EFNA4: variants seen among roughly 807,000 people sequenced by gnomAD.
The protein encoded by EFNA4 is ephrin A4.
A neutral mutation model predicts 23.7 loss-of-function variants in EFNA4; 22 were observed. The observed-to-expected ratio is 0.93, with a 90% CI of 0.66 to 1.32. The LOEUF is 1.32. Ranked by LOEUF, EFNA4 falls within the 40% of genes most tolerant of loss-of-function variation. The probability of loss-of-function intolerance (pLI) is 0.00; values close to 1 mark genes in which losing one functional copy is unlikely to be tolerated. For missense variants in EFNA4, 252 were observed against 252.3 expected, an observed-to-expected ratio of 1.00 and a Z score of 0.01; for synonymous variants, 113 against 108.3, an observed-to-expected ratio of 1.04 and a Z score of -0.27.
At position 155,063,928 on chromosome 1, in the gene EFNA4, T is replaced by A. The variant is rs760930080; in HGVS notation, c.105T>A (p.Ser35Arg). The change falls in exon 1 of 4, where the codon AGT (serine) becomes AGA (arginine). Residue 35 changes from serine (S) to arginine (R), a missense_variant. Coordinates refer to ENST00000368409, the MANE Select transcript of EFNA4 (RefSeq NM_005227.3). This position sits in a 1 kb window ranked among gnomAD's most constrained non-coding sequence, Gnocchi z 4.1. ...SLRHVVYWNS[S>R]NPRLLRGDAV... ...GCCACGTAGTCTACTGGAACTCCAGTAACCCCAGGTAGCCGGGCCGAACCG... is the reference window on the plus strand; with the variant it reads ...GCCACGTAGTCTACTGGAACTCCAGAAACCCCAGGTAGCCGGGCCGAACCG... 22 of 1,559,776 alleles carry A rather than the reference T, an allele frequency of 1.4e-5. No homozygotes were observed. The East Asian group carries it at 5.2e-4, about 37-fold the overall frequency.
rs956725684 is a variant in EFNA4 at position 155,069,366 on chromosome 1, A to T, written c.*377A>T. 1.7e-6 allele frequency: 1 copy of T among 604,890 alleles called. No homozygotes were observed. 37.5% of individuals were successfully genotyped at this position (604,890 alleles called of 1,614,324 possible). ...CGATTGCTGGACCAGGGCAAAGAAG[A>T]AGCCCTGCCATCTGTGCCCTGTGGG... is the stretch of plus-strand genomic sequence containing the variant. On this transcript the variant is annotated 3_prime_UTR_variant, in exon 4 of 4. Transcript: ENST00000368409.
intron 1 of EFNA4, 135 bp from the exon 2 acceptor site, chr1:155,066,595 G>T: frequency 9.5e-7 from 1 of 1,050,718 alleles, no homozygotes; most frequent in Non-Finnish European, 1.3e-6. Flanking sequence ...GGAACCTCGG[G>T]CCTTCCTGAG....
Position 155,066,887 on chromosome 1 carries a change from C to A in EFNA4, c.271C>A (p.Pro91Thr). ...PGYESCQAEGPRAYKRWVCSL... is the reference protein window; with the variant it reads ...PGYESCQAEGTRAYKRWVCSL... ...CTATGAGTCCTGCCAGGCAGAGGGC[C>A]CCCGGGCCTACAAGCGCTGGGTGTG... The change falls in exon 2 of 4, where the codon CCC becomes ACC. Residue 91 changes from proline to threonine, a missense_variant. Coordinates refer to ENST00000368409, the MANE Select transcript of EFNA4 (RefSeq NM_005227.3). 1 of 1,614,134 alleles carries A rather than the reference C, an allele frequency of 6.2e-7. No individual in the cohort carries two copies. Among genetic ancestry groups the A allele is most frequent in the Non-Finnish European group, 8.5e-7 (1 of 1,180,036 alleles).
chr1:155,063,757 C>T lies in EFNA4; in HGVS notation c.-67C>T, dbSNP rs369610690. ...CGCAACTTCCCTCTTCACTTTGTAC[C>T]TTTCTCTCCTCGACTGTGAAGCGGG... On this transcript the variant is annotated 5_prime_UTR_variant, in exon 1 of 4. Transcript: ENST00000368409. The surrounding 1 kb of genome is among the most constrained non-coding windows in gnomAD (Gnocchi z 4.1). 2.9e-6 allele frequency: 4 copies of T among 1,375,522 alleles called. No individual in the cohort carries two copies. The African/African-American group carries it at 4.6e-5, about 16-fold the overall frequency. 85.2% of individuals were successfully genotyped at this position (1,375,522 alleles called of 1,614,324 possible). A position where few individuals can be genotyped will look rare whatever the true frequency, so the allele number is the denominator to read the frequency against.
rs887728687 is a variant in EFNA4 at position 155,068,945 on chromosome 1, C to A, written c.562C>A (p.Leu188Ile). The change falls in exon 4 of 4, where the codon CTA becomes ATA. Residue 188 changes from leucine to isoleucine, a missense_variant. Transcript: ENST00000368409. ...CACTCCCAGCCCCCTCTGTCTCTTG[C>A]TATTACTGCTGCTTCTGATTCTTCG... ...GDTPSPLCLL[L>I]LLLLLILRLL... 6.2e-7 allele frequency: 1 copy of A among 1,614,100 alleles called. No individual in the cohort carries two copies. Among genetic ancestry groups the A allele is most frequent in the Non-Finnish European group, 8.5e-7 (1 of 1,179,990 alleles).
chr1:155,066,065 C>T (rs982070169), intron 1 of EFNA4, among the ~76,000 whole-genome samples: 4 of 152,104 alleles, frequency 2.6e-5, no homozygotes, highest in African/African-American at 7.2e-5. Flanking sequence ...GAGACAGTCT[C>T]ACCATGTTGC....
chr1:155,067,809 G>C (rs574992248), intron 3 of EFNA4, among the ~76,000 whole-genome samples: 81 of 152,150 alleles, frequency 5.3e-4, no homozygotes, highest in Non-Finnish European at 8.2e-4. Flanking sequence ...TTTTAGTAGA[G>C]ATGGGGTTTC....
In EFNA4 at chr1:155,067,441, G is replaced by A. The variant is rs1427891986; in HGVS notation, c.469+1G>A. On this transcript the variant is annotated splice_donor_variant, in intron 3 of 3. Coordinates refer to ENST00000368409, the MANE Select transcript of EFNA4 (RefSeq NM_005227.3). LOFTEE classifies it high-confidence loss of function. ...GTGTCTGTCTGCTGCAAGGAGAGGA[G>A]TAAGTGGGTTGGGAGCATGGACCCT... 2.5e-6 allele frequency: 4 copies of A among 1,614,060 alleles called. No individual in the cohort carries two copies. Among genetic ancestry groups the A allele is most frequent in the African/African-American group, 1.3e-5 (1 of 74,928 alleles).
chr1:155,066,657 G>C, intron 1 of EFNA4, 73 bp from the exon 2 acceptor site: 2 of 1,490,734 alleles, frequency 1.3e-6, no homozygotes, highest in South Asian at 1.4e-5. Flanking sequence ...CTCTGAGAAG[G>C]GGTGTCTCTG....
rs763481245 is a variant in EFNA4, at chr1:155,066,826, C to T, written c.210C>T (p.Pro70=). ...AAGGCCCAGGGCCCCCTGAGGGCCC[C>T]GAGACGTTTGCTTTGTACATGGTGG... ...HYEGPGPPEG[P]ETFALYMVDW... is the part of the protein sequence containing the mutation. Residue 70 remains proline (P), a synonymous_variant, in exon 2 of 4, where the codon CCC becomes CCT. Coordinates refer to ENST00000368409, the MANE Select transcript of EFNA4 (RefSeq NM_005227.3). 3.5e-5 allele frequency: 56 copies of T among 1,613,862 alleles called. No individual in the cohort carries two copies. Among genetic ancestry groups the T allele is most frequent in the Middle Eastern group, 3.3e-4 (2 of 6,084 alleles).
Position 155,069,341 on chromosome 1 carries a change from C to G in EFNA4, c.*352C>G, listed in dbSNP as rs1051454441. ...CCAGGCTGAAGACCTGGGGACAGGT[C>G]GATTGCTGGACCAGGGCAAAGAAGA... On this transcript the variant is annotated 3_prime_UTR_variant, in exon 4 of 4. Coordinates refer to ENST00000368409, the MANE Select transcript of EFNA4 (RefSeq NM_005227.3). The G allele has an allele frequency of 1.9e-5, 14 of 719,310 alleles. No individual in the cohort carries two copies. The African/African-American group carries it at 2.0e-4, about 10-fold the overall frequency. 44.6% of individuals were successfully genotyped at this position (719,310 alleles called of 1,614,324 possible).
In EFNA4 at chr1:155,069,229, C is replaced by A; in HGVS notation, c.*240C>A. The A allele has an allele frequency of 2.0e-6, 3 of 1,527,826 alleles. No individual in the cohort carries two copies. The highest frequency in any genetic ancestry group is 2.4e-5 in the East Asian group (1 of 42,184). The allele number at this position is 1,527,826 out of a possible 1,614,324, so 94.6% of individuals were successfully genotyped here. The stretch of plus-strand genomic sequence containing the variant: ...GAAGCAGAGGCAAGACAAACACAGG[C>A]GCTTTGCAGGCTGCTCTGAGGGTCT... On this transcript the variant is annotated 3_prime_UTR_variant, in exon 4 of 4. Transcript: ENST00000368409.
intron 1 of EFNA4, among the ~76,000 whole-genome samples, chr1:155,065,380 G>A (rs1662989309): frequency 6.6e-6 from 1 of 152,132 alleles, no homozygotes; most frequent in Non-Finnish European, 1.5e-5. Flanking sequence ...CTTCCCACCT[G>A]TGCTGGCTTC....
At position 155,063,765 on chromosome 1, in the gene EFNA4, C is replaced by T. The variant is rs897387079; in HGVS notation, c.-59C>T. ...CCCTCTTCACTTTGTACCTTTCTCT[C>T]CTCGACTGTGAAGCGGGCCGGGACC... On this transcript the variant is annotated 5_prime_UTR_variant, in exon 1 of 4. Coordinates refer to ENST00000368409, the MANE Select transcript of EFNA4 (RefSeq NM_005227.3). This position sits in a 1 kb window ranked among gnomAD's most constrained non-coding sequence, Gnocchi z 4.1. The T allele has an allele frequency of 2.1e-6, 3 of 1,418,106 alleles. No homozygotes were observed. The highest frequency in any genetic ancestry group is 2.7e-5 in the Admixed American group (1 of 36,808). 87.8% of individuals were successfully genotyped at this position (1,418,106 alleles called of 1,614,324 possible).
chr1:155,065,059 C>A (rs987194032), intron 1 of EFNA4, among the ~76,000 whole-genome samples: 3 of 152,206 alleles, frequency 2.0e-5, no homozygotes, highest in African/African-American at 4.8e-5. Flanking sequence ...TTCTCACCCC[C>A]CAATCTTAAG....
rs1662901618 is a variant in EFNA4, at chr1:155,063,998, G to T, written c.113+62G>T. The T allele has an allele frequency of 4.5e-6, 6 of 1,336,918 alleles. No homozygotes were observed. The highest frequency in any genetic ancestry group is 5.9e-6 in the Non-Finnish European group (6 of 1,011,552). 82.8% of individuals were successfully genotyped at this position (1,336,918 alleles called of 1,614,324 possible). On this transcript the variant is annotated intron_variant, in intron 1 of 3. Coordinates refer to ENST00000368409, the MANE Select transcript of EFNA4 (RefSeq NM_005227.3). This position sits in a 1 kb window ranked among gnomAD's most constrained non-coding sequence, Gnocchi z 4.1. ...CTGCGCGCTCCCGGGCTTTGCGCGC[G>T]CCCGCCACCCGCTCTTTGCGCGGCG...
At chr1:155,068,328 C>T (rs1441394280) in intron 3 of EFNA4, among the ~76,000 whole-genome samples, 2 of 147,636 alleles carry the variant, frequency 1.4e-5, no homozygotes, top group African/African-American at 2.5e-5. Context: ...TACAGTGGTG[C>T]GATCTCAGCT....
At position 155,068,842 on chromosome 1, in the gene EFNA4, C is replaced by T; in HGVS notation, c.470-11C>T. On this transcript the variant is annotated splice_polypyrimidine_tract_variant and intron_variant, in intron 3 of 3. Transcript: ENST00000368409. Reference sequence around the variant, plus strand: ...GGAGGACTGATCAGTGCTACCCCCTCCCCCTCACAGAGTCTGAGTCAGCCC... The same window carrying T: ...GGAGGACTGATCAGTGCTACCCCCTTCCCCTCACAGAGTCTGAGTCAGCCC... 1 of 1,607,620 alleles carries T rather than the reference C, an allele frequency of 6.2e-7. No individual in the cohort carries two copies. The highest frequency in any genetic ancestry group is 8.5e-7 in the Non-Finnish European group (1 of 1,176,564).
chr1:155,068,808 G>GGT (rs947428430), intron 3 of EFNA4, 45 bp from the exon 4 acceptor site: 16 of 1,546,906 alleles, frequency 1.0e-5, no homozygotes, highest in Middle Eastern at 3.9e-4. Flanking sequence ...GAAGGAGGAT[G>GGT]GTAAAGTGGG....
Sources: allele counts gnomAD v4.1 joint callset (sites outside exome capture counted in the v4.1 genomes callset), GRCh38; gene constraint gnomAD v4.1.1; non-coding constraint Gnocchi (gnomAD v3.1); transcripts MANE v1.5; gene names NCBI Gene and HGNC (gene_info 2026-07-23, HGNC 2026-07-21).